MESP1: variants seen among roughly 807,000 people sequenced by gnomAD.
The protein encoded by MESP1 is mesoderm posterior bHLH transcription factor 1.
Under a neutral mutation model 15.2 loss-of-function variants are expected in MESP1, and 22 were observed. That is an observed-to-expected ratio of 1.45 (90% CI 1.04 to 2.07). MESP1 has a LOEUF of 2.07. Among genes scored for constraint, MESP1 ranks in the 30% most tolerant of loss-of-function variants. The probability of loss-of-function intolerance (pLI) is 0.00; values close to 1 mark genes in which losing one functional copy is unlikely to be tolerated. For missense variants in MESP1, 484 were observed against 411.9 expected, an observed-to-expected ratio of 1.17 and a Z score of -1.51; for synonymous variants, 216 against 192.6, an observed-to-expected ratio of 1.12 and a Z score of -1.01.
downstream of MESP1, among the ~76,000 whole-genome samples, chr15:89,747,639 G>T (rs1967997120): frequency 6.6e-6 from 1 of 152,198 alleles, no homozygotes; most frequent in African/African-American, 2.4e-5. Flanking sequence ...CTTGAGACAA[G>T]CTGGTGTTCA....
intron 1 of MESP1, 47 bp from the exon 2 acceptor site, chr15:89,750,274 T>C: frequency 6.9e-6 from 11 of 1,605,640 alleles, no homozygotes; most frequent in Non-Finnish European, 9.4e-6. Flanking sequence ...CTGGTGGCCT[T>C]GTGCGGGTGT....
At chr15:89,748,188 A>T (rs955443736), downstream of MESP1, among the ~76,000 whole-genome samples, 1 of 152,218 alleles carries the variant, frequency 6.6e-6, no homozygotes, top group Admixed American at 6.5e-5. Context: ...GGCCTTTGCC[A>T]TGCAAATAGA....
downstream of MESP1, chr15:89,748,826 A>G (rs1054696641): frequency 6.6e-6 from 1 of 152,226 alleles, no homozygotes; most frequent in African/African-American, 2.4e-5. Flanking sequence ...AATTAGTGGC[A>G]ATGCTTGCAC....
chr15:89,750,213 G>A lies in MESP1; in HGVS notation c.738C>T (p.Asp246=), dbSNP rs762940284. ...PSPPSPLLPG[D]VLALLETWMP... is the part of the protein sequence containing the mutation. ...TCCAGGTCTCCAACAGAGCCAGCAC[G>A]TCGCCCGGAAGGAGCTGTAGGGAGA... The change falls in exon 2 of 2, where the codon GAC becomes GAT. Residue 246 remains aspartate, a synonymous_variant. Coordinates refer to ENST00000300057, the MANE Select transcript of MESP1 (RefSeq NM_018670.4). 5 of 1,614,060 alleles carry A rather than the reference G, an allele frequency of 3.1e-6. No homozygotes were observed. The Admixed American group carries it at 5.0e-5, about 16-fold the overall frequency.
At chr15:89,750,328 A>T in intron 1 of MESP1, 101 bp from the exon 2 acceptor site, 1 of 1,557,340 alleles carries the variant, frequency 6.4e-7, no homozygotes, top group Non-Finnish European at 8.8e-7. Context: ...TAGCGAGGGG[A>T]GACCCAGTCC....
chr15:89,747,206 T>C (rs1422976961), downstream of MESP1, among the ~76,000 whole-genome samples: 1 of 151,742 alleles, frequency 6.6e-6, no homozygotes, highest in Non-Finnish European at 1.5e-5. Flanking sequence ...CAGCCCACAG[T>C]TGGCCCGTCC....
At chr15:89,734,097 C>T in the MESP1 span, among the ~76,000 whole-genome samples, 1 of 152,190 alleles carries the variant, frequency 6.6e-6, no homozygotes, top group Admixed American at 6.5e-5. Flanking sequence ...TCGATAATCT[C>T]CAGTTCCATT....
In MESP1 at chr15:89,750,012, C is replaced by T. The variant is rs1968050401; in HGVS notation, c.*132G>A. 6 of 886,488 alleles carry T rather than the reference C, an allele frequency of 6.8e-6. No homozygotes were observed. Among genetic ancestry groups the T allele is most frequent in the Non-Finnish European group, 1.1e-5 (6 of 538,478 alleles). The allele number at this position is 886,488 out of a possible 1,614,324, so 54.9% of individuals were successfully genotyped here. A position where few individuals can be genotyped will look rare whatever the true frequency, so the allele number is the denominator to read the frequency against. On this transcript the variant is annotated 3_prime_UTR_variant, in exon 2 of 2. Coordinates refer to ENST00000300057, the MANE Select transcript of MESP1 (RefSeq NM_018670.4). ...GGGCCGCCGCGGTGGGGACGGCTCT[C>T]ACCCGCAGGAATGCCCCCGTCGGGA...
chr15:89,743,341 C>G, the MESP1 span: 3 of 1,614,048 alleles, frequency 1.9e-6, no homozygotes, highest in Non-Finnish European at 2.5e-6. Context: ...GCACTGGGCC[C>G]GGCTTCAGAG....
Position 89,750,652 on chromosome 15 carries a change from C to A in MESP1, c.580G>T (p.Ala194Ser). Residue 194 changes from alanine (A) to serine (S), a missense_variant, in exon 1 of 2, where the codon GCC (alanine) becomes TCC (serine). Coordinates refer to ENST00000300057, the MANE Select transcript of MESP1 (RefSeq NM_018670.4). The stretch of plus-strand genomic sequence containing the variant: ...CCCCAGGACGCCCCGGCGCGGACGG[C>A]GGATACCAGGCCCAGCCCGCGCCCC... ...GQGRGLGLVS[A>S]VRAGASWGSP... is the part of the protein sequence containing the mutation. 7.3e-7 allele frequency: 1 copy of A among 1,370,006 alleles called. No individual in the cohort carries two copies. Among genetic ancestry groups the A allele is most frequent in the South Asian group, 1.8e-5 (1 of 56,964 alleles). The allele number at this position is 1,370,006 out of a possible 1,614,324, so 84.9% of individuals were successfully genotyped here.
intron 1 of MESP1, 28 bp from the exon 2 acceptor site, chr15:89,750,255 C>T (rs779264307): frequency 2.2e-5 from 36 of 1,612,086 alleles, no homozygotes; most frequent in Middle Eastern, 3.3e-4. Context: ...ACAGCGCAGC[C>T]CTCAAGCACT....
chr15:89,736,159 G>A, the MESP1 span, among the ~76,000 whole-genome samples: 1 of 152,232 alleles, frequency 6.6e-6, no homozygotes, highest in Non-Finnish European at 1.5e-5. Context: ...CAGGGATGGA[G>A]AGTTGAGAGA....
At chr15:89,739,625 T>A in the MESP1 span, among the ~76,000 whole-genome samples, 1 of 152,238 alleles carries the variant, frequency 6.6e-6, no homozygotes, top group Non-Finnish European at 1.5e-5. Flanking sequence ...CCTTTTGGGA[T>A]CTGACCACAC....
chr15:89,751,030 AG>A lies in MESP1; in HGVS notation c.201del (p.Ser68ProfsTer2). 7.4e-7 allele frequency: 1 copy of A among 1,349,308 alleles called. No homozygotes were observed. The highest frequency in any genetic ancestry group is 9.4e-7 in the Non-Finnish European group (1 of 1,058,896). The allele number at this position is 1,349,308 out of a possible 1,614,324, so 83.6% of individuals were successfully genotyped here. On this transcript the variant is annotated frameshift_variant, in exon 1 of 2. Coordinates refer to ENST00000300057, the MANE Select transcript of MESP1 (RefSeq NM_018670.4). LOFTEE classifies it high-confidence loss of function. ...CTGCGCGCGCCGCGCCTACCTACGG[AG>A]GGGGCGCGGGGGTCCCGGAGGGTGC... ...RPGTLRDPRA[P>X]SVGRRGARSS...
Position 89,749,991 on chromosome 15 carries a change from C to G in MESP1, c.*153G>C. On this transcript the variant is annotated 3_prime_UTR_variant, in exon 2 of 2. Coordinates refer to ENST00000300057, the MANE Select transcript of MESP1 (RefSeq NM_018670.4). ...CATGGAGGGAGGGGCTGAGAAGGGC[C>G]GCCGCGGTGGGGACGGCTCTCACCC... The G allele has an allele frequency of 1.4e-6, 1 of 729,920 alleles. No individual in the cohort carries two copies. Among genetic ancestry groups the G allele is most frequent in the Non-Finnish European group, 2.4e-6 (1 of 416,684 alleles). 45.2% of individuals were successfully genotyped at this position (729,920 alleles called of 1,614,324 possible). A position where few individuals can be genotyped will look rare whatever the true frequency, so the allele number is the denominator to read the frequency against.
the MESP1 span, chr15:89,738,087 A>G: frequency 6.2e-7 from 1 of 1,613,912 alleles, no homozygotes. Flanking sequence ...CTGGAATCCA[A>G]TATTCTGTTT....
At chr15:89,750,485 G>A (rs1463311916) in intron 1 of MESP1, 24 bp downstream of exon 1, 4 of 1,489,720 alleles carry the variant, frequency 2.7e-6, no homozygotes, top group Non-Finnish European at 3.5e-6. Flanking sequence ...CGGACGAAGG[G>A]GGCGCGGGGA....
chr15:89,747,652 C>G (rs1967997401), downstream of MESP1, among the ~76,000 whole-genome samples: 1 of 152,166 alleles, frequency 6.6e-6, no homozygotes, highest in African/African-American at 2.4e-5. Context: ...GGTGTTCAGC[C>G]GAAGCGAAGG....
rs1968094181 is a variant in MESP1, at chr15:89,751,180, C to T, written c.52G>A (p.Ala18Thr). 2 of 1,269,872 alleles carry T rather than the reference C, an allele frequency of 1.6e-6. No individual in the cohort carries two copies. Among genetic ancestry groups the T allele is most frequent in the Non-Finnish European group, 2.0e-6 (2 of 1,010,120 alleles). The allele number at this position is 1,269,872 out of a possible 1,614,324, so 78.7% of individuals were successfully genotyped here. A position where few individuals can be genotyped will look rare whatever the true frequency, so the allele number is the denominator to read the frequency against. Residue 18 changes from alanine (A) to threonine (T), a missense_variant, in exon 1 of 2, where the codon GCC becomes ACC. Ala to Thr is a moderately conservative substitution (Grantham distance 58). Coordinates refer to ENST00000300057, the MANE Select transcript of MESP1 (RefSeq NM_018670.4). Reference protein sequence around the residue: ...PLSESWMLSAAWGPTRRPPPS... With the variant: ...PLSESWMLSATWGPTRRPPPS... ...GGCGGCCGCCGAGTTGGGCCCCAGG[C>T]CGCAGAGAGCATCCAGGACTCGGAG...
Sources: gnomAD v4.1 joint callset for allele counts (sites outside exome capture counted in the v4.1 genomes callset) on GRCh38, gnomAD v4.1.1 for gene constraint, MANE v1.5 for transcripts, NCBI Gene and HGNC (gene_info 2026-07-23, HGNC 2026-07-21) for gene names.